Variants in S100A8 observed in about 807,000 individuals in gnomAD.
The protein encoded by S100A8 is protein S100-A8.
S100A8 carries 1 observed loss-of-function variant against 4.2 expected under a neutral mutation model. The ratio of observed to expected loss-of-function variants is 0.24; its 90% CI spans 0.08 to 1.12. S100A8 has a LOEUF of 1.12. Among genes scored for constraint, S100A8 ranks in the 50% most tolerant of loss-of-function variants. The pLI is 0.53. For missense variants in S100A8, 96 were observed against 111.8 expected (o/e 0.86, Z 0.64); for synonymous variants, 41 against 44.7 (o/e 0.92, Z 0.33).
the S100A8 span, among the ~76,000 whole-genome samples, chr1:153,405,096 G>A: frequency 6.6e-6 from 1 of 151,150 alleles, no homozygotes; most frequent in African/African-American, 2.4e-5. Context: ...CCCCCACCCC[G>A]CACTGCTTTC....
the S100A8 span, among the ~76,000 whole-genome samples, chr1:153,417,674 C>T: frequency 8.5e-5 from 13 of 152,328 alleles, no homozygotes; most frequent in Middle Eastern, 0.014. Flanking sequence ...ACTCTCACCC[C>T]GACTGTGAAG....
At chr1:153,399,855 T>C in the S100A8 span, among the ~76,000 whole-genome samples, 1 of 152,142 alleles carries the variant, frequency 6.6e-6, no homozygotes, top group Non-Finnish European at 1.5e-5. Context: ...ACAGAGGATA[T>C]GGCACAGGCA....
chr1:153,402,727 A>T, the S100A8 span, among the ~76,000 whole-genome samples: 1 of 152,246 alleles, frequency 6.6e-6, no homozygotes, highest in African/African-American at 2.4e-5. Context: ...GTGCAATCCC[A>T]GTCCCAAAGT....
intron 2 of S100A8, 36 bp downstream of exon 2, chr1:153,390,359 G>A: frequency 6.2e-7 from 1 of 1,611,302 alleles, no homozygotes; most frequent in Non-Finnish European, 8.5e-7. Flanking sequence ...CCCAGGACCA[G>A]GCAGAGAGCC....
the S100A8 span, among the ~76,000 whole-genome samples, chr1:153,408,370 G>T: frequency 1.6e-4 from 24 of 152,222 alleles, no homozygotes; most frequent in African/African-American, 5.3e-4. Context: ...AGGAAGAAAG[G>T]GTAGCAGTGA....
At chr1:153,390,739 G>T in intron 1 of S100A8, 182 bp from the exon 2 acceptor site, 1 of 726,214 alleles carries the variant, frequency 1.4e-6, no homozygotes, top group Non-Finnish European at 2.2e-6. Context: ...ACACGTGTGG[G>T]AAGGGGAAGG....
the S100A8 span, among the ~76,000 whole-genome samples, chr1:153,414,759 C>T: frequency 5.3e-5 from 8 of 152,328 alleles, no homozygotes; most frequent in Non-Finnish European, 8.8e-5. Flanking sequence ...TCACACTCTT[C>T]GGGATTTACC....
At chr1:153,401,847 C>T in the S100A8 span, among the ~76,000 whole-genome samples, 8 of 152,152 alleles carry the variant, frequency 5.3e-5, no homozygotes, top group Non-Finnish European at 1.0e-4. Context: ...GACGATGAAT[C>T]GGGTTATACT....
At chr1:153,413,774 G>A in the S100A8 span, among the ~76,000 whole-genome samples, 50 of 152,120 alleles carry the variant, frequency 3.3e-4, no homozygotes, top group African/African-American at 1.1e-3. Flanking sequence ...AGTGGCAGGC[G>A]CCTATAATCC....
chr1:153,397,714 T>C, the S100A8 span, among the ~76,000 whole-genome samples: 2 of 152,074 alleles, frequency 1.3e-5, no homozygotes, highest in East Asian at 3.9e-4. Flanking sequence ...GCAGCCTCTC[T>C]CTCCCCTCAG....
chr1:153,413,629 A>G, the S100A8 span, among the ~76,000 whole-genome samples: 1 of 152,160 alleles, frequency 6.6e-6, no homozygotes, highest in Non-Finnish European at 1.5e-5. Context: ...TGCCAGGTGC[A>G]GTGGCTCACA....
At chr1:153,395,141 G>A (rs1662187101), upstream of S100A8, among the ~76,000 whole-genome samples, 2 of 152,136 alleles carry the variant, frequency 1.3e-5, no homozygotes, top group Admixed American at 1.3e-4. Flanking sequence ...AGTGGTTCAT[G>A]AATAGCCCTG....
At chr1:153,407,521 G>A in the S100A8 span, among the ~76,000 whole-genome samples, 57 of 152,320 alleles carry the variant, frequency 3.7e-4, no homozygotes, top group African/African-American at 1.3e-3. Flanking sequence ...TGCCTGCCTC[G>A]GTAGACTCCA....
upstream of S100A8, among the ~76,000 whole-genome samples, chr1:153,394,972 G>A (rs959731610): frequency 6.6e-6 from 1 of 152,160 alleles, no homozygotes. Context: ...ACCCTCTAAA[G>A]TGGGCTCTGG....
At chr1:153,419,153 G>T in the S100A8 span, 2 of 1,613,704 alleles carry the variant, frequency 1.2e-6, no homozygotes, top group Admixed American at 1.7e-5. Flanking sequence ...AGGACAAAAA[G>T]GGCATACATT....
At chr1:153,399,232 T>G in the S100A8 span, among the ~76,000 whole-genome samples, 1 of 152,198 alleles carries the variant, frequency 6.6e-6, no homozygotes, top group African/African-American at 2.4e-5. Context: ...CCTCCAATTA[T>G]GGCAGCCAGT....
At chr1:153,417,459 T>C in the S100A8 span, among the ~76,000 whole-genome samples, 7 of 152,286 alleles carry the variant, frequency 4.6e-5, no homozygotes, top group South Asian at 1.2e-3. Context: ...CCCAAGGGAA[T>C]GTAGGAAGGG....
At chr1:153,413,766 T>C in the S100A8 span, among the ~76,000 whole-genome samples, 1 of 151,674 alleles carries the variant, frequency 6.6e-6, no homozygotes, top group Non-Finnish European at 1.5e-5. Context: ...CTGGATATAG[T>C]GGCAGGCGCC....
the S100A8 span, among the ~76,000 whole-genome samples, chr1:153,411,998 A>G: frequency 3.3e-5 from 5 of 152,242 alleles, no homozygotes; most frequent in Admixed American, 3.3e-4. Flanking sequence ...TGGATTAAAG[A>G]CTTAAATGTT....
Sources: gnomAD v4.1 joint callset for allele counts (sites outside exome capture counted in the v4.1 genomes callset) on GRCh38, gnomAD v4.1.1 for gene constraint, MANE v1.5 for transcripts, NCBI Gene and HGNC (gene_info 2026-07-23, HGNC 2026-07-21) for gene names.